GAS2: variants seen among roughly 807,000 people sequenced by gnomAD.
GAS2 encodes the protein growth arrest-specific protein 2.
A neutral mutation model predicts 37.5 loss-of-function variants in GAS2; 20 were observed. The ratio of observed to expected loss-of-function variants is 0.53; its 90% CI spans 0.37 to 0.77. GAS2 has a LOEUF of 0.77. Ranked by LOEUF, GAS2 falls within the 30% of genes least tolerant of loss-of-function variation. The pLI, the probability that GAS2 is intolerant of heterozygous loss-of-function variation, is 0.00. For missense variants in GAS2, 336 were observed against 373.4 expected (o/e 0.90, Z 0.82); for synonymous variants, 144 against 132.2 (o/e 1.09, Z -0.61).
At chr11:22,802,240 C>T (rs1590147856) in intron 7 of GAS2, among the ~76,000 whole-genome samples, 1 of 151,700 alleles carries the variant, frequency 6.6e-6, no homozygotes, top group Non-Finnish European at 1.5e-5. Context: ...TTCTCACTCA[C>T]AGGTGGGAAT....
At chr11:22,689,937 A>G (rs1391417475) in intron 3 of GAS2, among the ~76,000 whole-genome samples, 1 of 152,238 alleles carries the variant, frequency 6.6e-6, no homozygotes, top group East Asian at 1.9e-4. Flanking sequence ...CATTCTTTGA[A>G]TTAATGAAAC....
At chr11:22,748,235 A>G (rs769783814) in intron 5 of GAS2, among the ~76,000 whole-genome samples, 6 of 152,048 alleles carry the variant, frequency 3.9e-5, no homozygotes, top group Admixed American at 6.6e-5. Flanking sequence ...GCTCCTTGCT[A>G]GTTATATATT....
chr11:22,660,822 C>G (rs1208448638), intron 1 of GAS2, among the ~76,000 whole-genome samples: 1 of 152,232 alleles, frequency 6.6e-6, no homozygotes, highest in Non-Finnish European at 1.5e-5. Flanking sequence ...CCCACTGACA[C>G]TGACCCTATT....
intron 1 of GAS2, among the ~76,000 whole-genome samples, chr11:22,652,179 C>A (rs542730524): frequency 1.3e-5 from 2 of 152,052 alleles, no homozygotes; most frequent in East Asian, 1.9e-4. Flanking sequence ...AGTACCCGGC[C>A]GTGTGAGGTG....
intron 3 of GAS2, among the ~76,000 whole-genome samples, chr11:22,707,963 G>C (rs1288529821): frequency 6.6e-6 from 1 of 152,152 alleles, no homozygotes; most frequent in African/African-American, 2.4e-5. Flanking sequence ...GTTGGGTAAA[G>C]TTTCTACATT....
upstream of GAS2, among the ~76,000 whole-genome samples, chr11:22,662,382 T>C (rs1848925377): frequency 6.6e-6 from 1 of 152,232 alleles, no homozygotes; most frequent in African/African-American, 2.4e-5. Flanking sequence ...AGAGACAATA[T>C]ATAAAGATAT....
intron 3 of GAS2, among the ~76,000 whole-genome samples, chr11:22,704,955 A>G (rs1851036960): frequency 6.6e-6 from 1 of 152,114 alleles, no homozygotes; most frequent in Non-Finnish European, 1.5e-5. Context: ...ATGTGATATG[A>G]TAATAAAGCA....
chr11:22,673,470 A>T (rs1303905338), intron 1 of GAS2, among the ~76,000 whole-genome samples: 3 of 152,250 alleles, frequency 2.0e-5, no homozygotes, highest in Non-Finnish European at 4.4e-5. Context: ...TTTCATTGTC[A>T]TACAGTCATA....
intron 7 of GAS2, among the ~76,000 whole-genome samples, chr11:22,798,380 T>C (rs1057325914): frequency 6.6e-6 from 1 of 152,056 alleles, no homozygotes; most frequent in Admixed American, 6.6e-5. Flanking sequence ...ATAGTCATTA[T>C]TTTGCAGATG....
At chr11:22,739,962 A>G (rs1011683980) in intron 5 of GAS2, among the ~76,000 whole-genome samples, 1 of 151,828 alleles carries the variant, frequency 6.6e-6, no homozygotes, top group African/African-American at 2.4e-5. Context: ...TTTATTTTAT[A>G]TATTGTTATT....
At chr11:22,640,692 A>G (rs1218722818) in intron 1 of GAS2, among the ~76,000 whole-genome samples, 2 of 152,220 alleles carry the variant, frequency 1.3e-5, no homozygotes, top group African/African-American at 4.8e-5. Context: ...AGGAATTTTT[A>G]TATAAATTGA....
At chr11:22,684,705 C>T (rs2133938948) in intron 2 of GAS2, among the ~76,000 whole-genome samples, 1 of 152,252 alleles carries the variant, frequency 6.6e-6, no homozygotes, top group Non-Finnish European at 1.5e-5. Context: ...GCTGGGACTG[C>T]ATGCAGGCAT....
chr11:22,806,803 G>A (rs181818567), intron 7 of GAS2, among the ~76,000 whole-genome samples: 37 of 152,306 alleles, frequency 2.4e-4, no homozygotes, highest in African/African-American at 8.9e-4. Context: ...ATTTCATGGA[G>A]AGAGGTTGTA....
intron 7 of GAS2, among the ~76,000 whole-genome samples, chr11:22,799,862 C>A (rs1856583445): frequency 6.6e-6 from 1 of 151,774 alleles, no homozygotes; most frequent in Non-Finnish European, 1.5e-5. Context: ...TGCTAGGCAC[C>A]CAGGGTATGA....
intron 1 of GAS2, among the ~76,000 whole-genome samples, chr11:22,660,683 A>C (rs1380919044): frequency 6.6e-6 from 1 of 152,228 alleles, no homozygotes; most frequent in Non-Finnish European, 1.5e-5. Flanking sequence ...TTACAAATTT[A>C]CTATGCCTAT....
At chr11:22,628,044 G>C (rs1179030184) in intron 1 of GAS2, among the ~76,000 whole-genome samples, 1 of 152,066 alleles carries the variant, frequency 6.6e-6, no homozygotes, top group Non-Finnish European at 1.5e-5. Flanking sequence ...TTTAAATCTT[G>C]ATTTTAAATT....
At chr11:22,716,230 A>G (rs1851671729) in intron 3 of GAS2, among the ~76,000 whole-genome samples, 1 of 152,196 alleles carries the variant, frequency 6.6e-6, no homozygotes, top group Non-Finnish European at 1.5e-5. Context: ...CATACTGATC[A>G]GGGAAAAATT....
In GAS2 at chr11:22,764,401, A is replaced by C. The variant is rs370002012; in HGVS notation, c.723+8448A>C. ...TGGTGAAACCCCGTCTCTACTAAAAATACAAAAAATTAGCCGAGCGTGGTG... is the reference window on the plus strand; with the variant it reads ...TGGTGAAACCCCGTCTCTACTAAAACTACAAAAAATTAGCCGAGCGTGGTG... On this transcript the variant is annotated intron_variant, in intron 7 of 7. Transcript: ENST00000454584. 4.3e-3 allele frequency among the ~76,000 whole-genome samples: 654 copies of C among 152,142 alleles called. 2 individuals carry two copies. Among genetic ancestry groups the C allele is most frequent in the African/African-American group, 0.015 (617 of 41,522 alleles).
chr11:22,803,520 G>C (rs559625383), intron 7 of GAS2, among the ~76,000 whole-genome samples: 1 of 152,034 alleles, frequency 6.6e-6, no homozygotes, highest in Non-Finnish European at 1.5e-5. Flanking sequence ...AGAATATGTG[G>C]GTATGTTTTA....
Sources: gnomAD v4.1 joint callset for allele counts (sites outside exome capture counted in the v4.1 genomes callset) on GRCh38, gnomAD v4.1.1 for gene constraint, MANE v1.5 for transcripts, NCBI Gene and HGNC (gene_info 2026-07-23, HGNC 2026-07-21) for gene names.